The following SKIL variants were observed in gnomAD, a reference collection of about 807,000 sequenced individuals.
The protein encoded by SKIL is SKI like proto-oncogene.
In SKIL, 20 loss-of-function variants were observed where a neutral mutation model predicts 69.6. The observed-to-expected ratio is 0.29, with a 90% confidence interval of 0.20 to 0.42. SKIL has a LOEUF of 0.42. Among genes scored for constraint, SKIL ranks in the 10% least tolerant of loss-of-function variants. The pLI is 1.00. For missense variants in SKIL, 745 were observed against 783.1 expected (o/e 0.95, Z 0.58); for synonymous variants, 310 against 279.9 (o/e 1.11, Z -1.08).
In SKIL at chr3:170,390,162, C is replaced by G. The variant is rs1187186392; in HGVS notation, c.1430-61C>G. The G allele has an allele frequency of 1.5e-5, 18 of 1,167,334 alleles. No individual in the cohort carries two copies. The African/African-American group carries it at 2.3e-4, about 15-fold the overall frequency. The allele number at this position is 1,167,334 out of a possible 1,614,324, so 72.3% of individuals were successfully genotyped here. A position where few individuals can be genotyped will look rare whatever the true frequency, so the allele number is the denominator to read the frequency against. The stretch of plus-strand genomic sequence containing the variant: ...TTAAAAATTACATTTATGGATTGTT[C>G]TAGTGATTTTTTTAATGGAGTGATA... On this transcript the variant is annotated intron_variant, in intron 4 of 6. Transcript: ENST00000259119.
chr3:170,359,281 C>T (rs1736097382), intron 1 of SKIL, among the ~76,000 whole-genome samples: 1 of 152,252 alleles, frequency 6.6e-6, no homozygotes, highest in African/African-American at 2.4e-5. Flanking sequence ...CCTTGGTAAA[C>T]TGAACTCAGT....
rs535515412 is a variant in SKIL at position 170,360,766 on chromosome 3, T to C, written c.435T>C (p.Thr145=). ...LIPSDSSTEL[T]QTVLEGESIS... The stretch of plus-strand genomic sequence containing the variant: ...CTTCAGATAGCTCCACAGAACTCAC[T>C]CAGACTGTGTTGGAAGGGGAATCTA... Residue 145 remains threonine (T), a synonymous_variant, in exon 2 of 7, where the codon ACT becomes ACC. Transcript: ENST00000259119. The C allele has an allele frequency of 6.8e-6, 11 of 1,614,076 alleles. No individual in the cohort carries two copies. The highest frequency in any genetic ancestry group is 9.3e-6 in the Non-Finnish European group (11 of 1,180,024).
intron 2 of SKIL, among the ~76,000 whole-genome samples, chr3:170,378,884 T>TATTTA (rs1388194011): frequency 6.9e-6 from 1 of 145,064 alleles, no homozygotes; most frequent in African/African-American, 2.8e-5. Context: ...TTTATTTATT[T>TATTTA]TTTTTATCTT....
intron 4 of SKIL, among the ~76,000 whole-genome samples, chr3:170,388,756 G>A (rs181680913): frequency 1.9e-3 from 296 of 151,976 alleles, no homozygotes; most frequent in Admixed American, 2.6e-3. Flanking sequence ...AAGCACAAAA[G>A]TTTTAAATGT....
Position 170,384,770 on chromosome 3 carries a change from GTATT to G in SKIL, c.1429+6_1429+9del. ...GAGAATTATGTAGCCGTTTAGGTAAGTATTCAGAGATTATCTTTCTAAAATTAAA... is the reference window on the plus strand; with the variant it reads ...GAGAATTATGTAGCCGTTTAGGTAAGCAGAGATTATCTTTCTAAAATTAAA... On this transcript the variant is annotated splice_donor_region_variant and intron_variant, in intron 4 of 6. Coordinates refer to ENST00000259119, the MANE Select transcript of SKIL (RefSeq NM_005414.5). 7.2e-7 allele frequency: 1 copy of G among 1,383,700 alleles called. No homozygotes were observed. The highest frequency in any genetic ancestry group is 1.0e-6 in the Non-Finnish European group (1 of 982,576). The allele number at this position is 1,383,700 out of a possible 1,614,324, so 85.7% of individuals were successfully genotyped here.
At position 170,360,530 on chromosome 3, in the gene SKIL, G is replaced by C. The variant is rs915190441; in HGVS notation, c.199G>C (p.Glu67Gln). 4.3e-6 allele frequency: 7 copies of C among 1,614,096 alleles called. No individual in the cohort carries two copies. In the Admixed American group the frequency reaches 6.7e-5, roughly 15 times the overall value. ...YGEAPVETDG[E>Q]HVKRTCTSVP... Reference sequence around the variant, plus strand: ...AGAAGCACCAGTGGAAACTGATGGAGAGCATGTTAAGCGAACCTGTACTTC... The same window carrying C: ...AGAAGCACCAGTGGAAACTGATGGACAGCATGTTAAGCGAACCTGTACTTC... Residue 67 changes from glutamate (E) to glutamine (Q), a missense_variant, in exon 2 of 7, where the codon GAG becomes CAG. Transcript: ENST00000259119.
At position 170,391,230 on chromosome 3, in the gene SKIL, A is replaced by G; in HGVS notation, c.1866A>G (p.Glu622=). ...KQKCTCDSNL[E]KDKEAEYAGQ... is the part of the protein sequence containing the mutation. ...AATGTACCTGTGACTCAAATTTAGA[A>G]AAAGACAAAGAGGCTGAATATGCAG... Residue 622 remains glutamate, a synonymous_variant, in exon 6 of 7, where the codon GAA becomes GAG. Coordinates refer to ENST00000259119, the MANE Select transcript of SKIL (RefSeq NM_005414.5). The G allele has an allele frequency of 6.2e-7, 1 of 1,609,814 alleles. No homozygotes were observed. Among genetic ancestry groups the G allele is most frequent in the Non-Finnish European group, 8.5e-7 (1 of 1,176,756 alleles).
In SKIL at chr3:170,360,903, A is replaced by G. The variant is rs1285268501; in HGVS notation, c.572A>G (p.Tyr191Cys). 6.2e-7 allele frequency: 1 copy of G among 1,614,096 alleles called. No homozygotes were observed. Among genetic ancestry groups the G allele is most frequent in the Non-Finnish European group, 8.5e-7 (1 of 1,180,036 alleles). The part of the protein sequence containing the change: ...QQINTVCDEL[Y>C]IYCSRCTSDQ... ...ATAAATACAGTGTGTGATGAACTGT[A>G]CATATATTGTTCAAGGTGTACTTCA... The change falls in exon 2 of 7, where the codon TAC becomes TGC. Residue 191 changes from tyrosine (Y) to cysteine (C), a missense_variant. Tyr to Cys is a radical substitution (Grantham distance 194). Coordinates refer to ENST00000259119, the MANE Select transcript of SKIL (RefSeq NM_005414.5).
In SKIL at chr3:170,394,498, A is replaced by C. The variant is rs1308775481; in HGVS notation, c.*2081A>C. 6.6e-6 allele frequency: 1 copy of C among 152,134 alleles called. No homozygotes were observed. Among genetic ancestry groups the C allele is most frequent in the African/African-American group, 2.4e-5 (1 of 41,434 alleles). 9.4% of individuals were successfully genotyped at this position (152,134 alleles called of 1,614,324 possible). A position where few individuals can be genotyped will look rare whatever the true frequency, so the allele number is the denominator to read the frequency against. ...ACTTGGAACCTTTCTGCTTTATGTT[A>C]CCTAGAAAATGATAATTTGTTTAAC... On this transcript the variant is annotated 3_prime_UTR_variant, in exon 7 of 7. Transcript: ENST00000259119.
chr3:170,365,294 C>T (rs1039984302), intron 2 of SKIL, among the ~76,000 whole-genome samples: 3 of 152,154 alleles, frequency 2.0e-5, no homozygotes, highest in Non-Finnish European at 4.4e-5. Flanking sequence ...ATGTTAGTAG[C>T]AGAAACTGAA....
At chr3:170,382,114 T>C (rs1737384378) in intron 3 of SKIL, among the ~76,000 whole-genome samples, 1 of 152,128 alleles carries the variant, frequency 6.6e-6, no homozygotes, top group East Asian at 1.9e-4. Context: ...CAAAATTATT[T>C]TTAAATAAGT....
chr3:170,380,680 G>T (rs932724235), intron 2 of SKIL, among the ~76,000 whole-genome samples: 1 of 151,924 alleles, frequency 6.6e-6, no homozygotes. Context: ...AATAGATTTC[G>T]TAAGTATGAA....
At chr3:170,391,500 T>C (rs1737917098) in intron 6 of SKIL, among the ~76,000 whole-genome samples, 1 of 152,030 alleles carries the variant, frequency 6.6e-6, no homozygotes, top group African/African-American at 2.4e-5. Flanking sequence ...TTGTATTTTT[T>C]AGTAGAGACG....
rs985741428 is a variant in SKIL at position 170,360,067 on chromosome 3, A to G, written c.-265A>G. On this transcript the variant is annotated 5_prime_UTR_variant, in exon 2 of 7. Transcript: ENST00000259119. ...TATATCTGAAGAATTCAAGAAAACA[A>G]AGGCATCCTCAGAGGTGTGCCTCTT... 1 of 339,076 alleles carries G rather than the reference A, an allele frequency of 2.9e-6. No individual in the cohort carries two copies. 21.0% of individuals were successfully genotyped at this position (339,076 alleles called of 1,614,324 possible).
intron 2 of SKIL, among the ~76,000 whole-genome samples, chr3:170,361,804 C>T (rs956855599): frequency 6.8e-6 from 1 of 146,912 alleles, no homozygotes. Context: ...CCAGGCTGGT[C>T]TTGAACTCCT....
At position 170,391,125 on chromosome 3, in the gene SKIL, T is replaced by G. The variant is rs1560222521; in HGVS notation, c.1761T>G (p.Asn587Lys). ...AGAAAGAGCTTGAATCTTTGCAGAA[T>G]GAACATGCTCAAAGAATGGAAGAAT... ...NLQKELESLQ[N>K]EHAQRMEEFY... The change falls in exon 6 of 7, where the codon AAT becomes AAG. Residue 587 changes from asparagine to lysine, a missense_variant. By Grantham distance (94) the Asn-to-Lys change is moderately conservative. Coordinates refer to ENST00000259119, the MANE Select transcript of SKIL (RefSeq NM_005414.5). The G allele has an allele frequency of 6.2e-7, 1 of 1,609,298 alleles. No homozygotes were observed. Among genetic ancestry groups the G allele is most frequent in the Non-Finnish European group, 8.5e-7 (1 of 1,175,658 alleles).
chr3:170,390,947 G>T lies in SKIL; in HGVS notation c.1672-89G>T, dbSNP rs1737879971. 3 of 672,836 alleles carry T rather than the reference G, an allele frequency of 4.5e-6. No homozygotes were observed. The East Asian group carries it at 8.0e-5, about 18-fold the overall frequency. 41.7% of individuals were successfully genotyped at this position (672,836 alleles called of 1,614,324 possible). Reference sequence around the variant, plus strand: ...AACTGATAATGATAGCTGAATTTTAGGTATTTTCTGTGCTATGTTTTCCAG... The same window carrying T: ...AACTGATAATGATAGCTGAATTTTATGTATTTTCTGTGCTATGTTTTCCAG... On this transcript the variant is annotated intron_variant, in intron 5 of 6. Transcript: ENST00000259119.
At chr3:170,363,549 G>A (rs1212743685) in intron 2 of SKIL, among the ~76,000 whole-genome samples, 1 of 151,894 alleles carries the variant, frequency 6.6e-6, no homozygotes, top group African/African-American at 2.4e-5. Context: ...TCAGTGGCGC[G>A]ATCTTGGCAG....
rs1737822281 is a variant in SKIL at position 170,389,854 on chromosome 3, G to T, written c.1430-369G>T. Among the ~76,000 whole-genome samples the T allele has an allele frequency of 2.0e-5, 3 of 152,188 alleles. No individual in the cohort carries two copies. The South Asian group carries it at 6.2e-4, about 32-fold the overall frequency. ...TTCAAGATTATTTTGCCTATTTTGG[G>T]TTTGTTGCATTTCCATATGGATTTT... is the stretch of plus-strand genomic sequence containing the variant. On this transcript the variant is annotated intron_variant, in intron 4 of 6. Coordinates refer to ENST00000259119, the MANE Select transcript of SKIL (RefSeq NM_005414.5).
Sources: gnomAD v4.1 joint callset for allele counts (sites outside exome capture counted in the v4.1 genomes callset) on GRCh38, gnomAD v4.1.1 for gene constraint, MANE v1.5 for transcripts, NCBI Gene and HGNC (gene_info 2026-07-23, HGNC 2026-07-21) for gene names.